CGGBP1: variants seen among roughly 807,000 people sequenced by gnomAD.
CGGBP1 encodes CGG triplet repeat-binding protein 1.
CGGBP1 carries 4 observed loss-of-function variants against 11.4 expected under a neutral mutation model. That is an observed-to-expected ratio of 0.35 (90% CI 0.17 to 0.80). CGGBP1 has a LOEUF of 0.80. Among genes scored for constraint, CGGBP1 ranks in the 30% least tolerant of loss-of-function variants. CGGBP1 has a pLI of 0.52. For missense variants in CGGBP1, 135 were observed against 202.1 expected (o/e 0.67, Z 2.01); for synonymous variants, 76 against 74.1 (o/e 1.03, Z -0.13).
intron 2 of CGGBP1, among the ~76,000 whole-genome samples, chr3:88,090,813 C>T (rs1244554454): frequency 1.3e-5 from 2 of 152,130 alleles, no homozygotes; most frequent in South Asian, 2.1e-4. Context: ...TAGGGATTGT[C>T]TTGGCCCATA....
chr3:88,136,493 C>T (rs1706791751), intron 2 of CGGBP1, among the ~76,000 whole-genome samples: 1 of 152,120 alleles, frequency 6.6e-6, no homozygotes, highest in Non-Finnish European at 1.5e-5. Flanking sequence ...GATGGCATAT[C>T]TAAAAAGGGT....
At chr3:88,067,199 G>A (rs867151827) in intron 2 of CGGBP1, among the ~76,000 whole-genome samples, 2 of 152,198 alleles carry the variant, frequency 1.3e-5, no homozygotes, top group Non-Finnish European at 2.9e-5. Flanking sequence ...TATAACTTTG[G>A]TAAGTGCTAT....
intron 2 of CGGBP1, among the ~76,000 whole-genome samples, chr3:88,082,165 T>C (rs1329133415): frequency 6.6e-6 from 1 of 151,826 alleles, no homozygotes; most frequent in East Asian, 1.9e-4. Context: ...TCTCGCTTTG[T>C]TGCCAGGCTG....
rs1703993781 is a variant in CGGBP1 at position 88,095,341 on chromosome 3, G to A, written c.-228-37118C>T. 1.9e-5 allele frequency: 5 copies of A among 265,388 alleles called. No individual in the cohort carries two copies. In the South Asian group the frequency reaches 2.0e-4, roughly 10 times the overall value. The allele number at this position is 265,388 out of a possible 1,614,324, so 16.4% of individuals were successfully genotyped here. A position where few individuals can be genotyped will look rare whatever the true frequency, so the allele number is the denominator to read the frequency against. ...ATATGTTTAGGATAGAAAGGGGTGG[G>A]GAGAAAGGAAGAGACAGGAATGTGA... is the stretch of plus-strand genomic sequence containing the variant. On this transcript the variant is annotated intron_variant, in intron 2 of 3. Transcript: ENST00000462901.
intron 2 of CGGBP1, among the ~76,000 whole-genome samples, chr3:88,077,433 C>T (rs941346952): frequency 1.3e-5 from 2 of 151,632 alleles, no homozygotes; most frequent in African/African-American, 4.9e-5. Flanking sequence ...GCCGGGTTCA[C>T]TCCACTCTCC....
chr3:88,059,519 T>C, upstream of CGGBP1: 1 of 1,461,772 alleles, frequency 6.8e-7, no homozygotes, highest in Non-Finnish European at 9.0e-7. Context: ...AGGCGTCCGT[T>C]GGCCGCCCCG....
intron 1 of CGGBP1, among the ~76,000 whole-genome samples, chr3:88,147,695 T>C (rs772669500): frequency 6.6e-6 from 1 of 152,248 alleles, no homozygotes; most frequent in Non-Finnish European, 1.5e-5. Context: ...GTTACTGTAT[T>C]GGACAGCAAA....
intron 2 of CGGBP1, among the ~76,000 whole-genome samples, chr3:88,119,039 A>G (rs1428133024): frequency 1.3e-5 from 2 of 149,752 alleles, no homozygotes; most frequent in East Asian, 2.0e-4. Flanking sequence ...TACTGGGTAT[A>G]TACCCAAAGG....
In CGGBP1 at chr3:88,123,172, G is replaced by A. The variant is rs748532178; in HGVS notation, c.-229+17798C>T. Among the ~76,000 whole-genome samples the A allele has an allele frequency of 6.4e-4, 97 of 152,020 alleles. 2 individuals carry two copies. Among genetic ancestry groups the A allele is most frequent in the Non-Finnish European group, 1.5e-4 (10 of 68,000 alleles). ...CAAAAAAGCCACTATTCTATTTAAG[G>A]AACGAGGAGCCAAAAAATACTTGTA... is the stretch of plus-strand genomic sequence containing the variant. On this transcript the variant is annotated intron_variant, in intron 2 of 3. Coordinates refer to the CGGBP1 transcript ENST00000462901.
chr3:88,126,144 A>G, intron 2 of CGGBP1: 1 of 1,507,340 alleles, frequency 6.6e-7, no homozygotes, highest in Non-Finnish European at 8.8e-7. Context: ...GAATGCCAGA[A>G]TCACCTCCGC....
At chr3:88,075,478 A>G (rs1423746725) in intron 2 of CGGBP1, among the ~76,000 whole-genome samples, 3 of 152,204 alleles carry the variant, frequency 2.0e-5, no homozygotes, top group East Asian at 3.8e-4. Context: ...ACAGGTACCT[A>G]AAGTGGAACT....
intron 2 of CGGBP1, chr3:88,139,601 T>A (rs1297951848): frequency 1.2e-6 from 2 of 1,613,674 alleles, no homozygotes; most frequent in Admixed American, 3.3e-5. Flanking sequence ...AGACACTTAC[T>A]GCTTCTAGTG....
chr3:88,071,101 TTAGAG>T (rs2107613910), intron 2 of CGGBP1, among the ~76,000 whole-genome samples: 1 of 152,334 alleles, frequency 6.6e-6, no homozygotes, highest in African/African-American at 2.4e-5. Context: ...GTTTATAAAC[TTAGAG>T]TAGATATTCA....
intron 2 of CGGBP1, among the ~76,000 whole-genome samples, chr3:88,107,213 G>A (rs1316267287): frequency 6.6e-6 from 1 of 152,128 alleles, no homozygotes; most frequent in Non-Finnish European, 1.5e-5. Flanking sequence ...CCAGTAAAAT[G>A]GCATTGGAAC....
At chr3:88,137,218 A>AG (rs1369147796) in intron 2 of CGGBP1, among the ~76,000 whole-genome samples, 2 of 149,976 alleles carry the variant, frequency 1.3e-5, no homozygotes, top group Admixed American at 6.6e-5. Flanking sequence ...AAAAAAAAAA[A>AG]GGATGTAGAT....
rs369369270 is a variant in CGGBP1, at chr3:88,141,666, G to T, written c.-337-588C>A. ...ACAGGTGCCTGATGAAAACGGTTCA[G>T]AAAGATCTGTCAATCAAGCAGTAGT... On this transcript the variant is annotated intron_variant, in intron 1 of 3. Coordinates refer to the CGGBP1 transcript ENST00000462901. 2.0e-6 allele frequency: 3 copies of T among 1,503,456 alleles called. No individual in the cohort carries two copies. The African/African-American group carries it at 4.1e-5, about 21-fold the overall frequency. 93.1% of individuals were successfully genotyped at this position (1,503,456 alleles called of 1,614,324 possible).
intron 2 of CGGBP1, among the ~76,000 whole-genome samples, chr3:88,072,755 A>C (rs1707588385): frequency 6.6e-6 from 1 of 152,140 alleles, no homozygotes; most frequent in African/African-American, 2.4e-5. Context: ...TCCCTCCACA[A>C]AAAAATGAAA....
At chr3:88,127,286 G>A (rs965535014) in intron 2 of CGGBP1, among the ~76,000 whole-genome samples, 2 of 152,016 alleles carry the variant, frequency 1.3e-5, no homozygotes, top group South Asian at 4.1e-4. Flanking sequence ...AAGGGGTTAG[G>A]GTGGGTTGTG....
intron 2 of CGGBP1, among the ~76,000 whole-genome samples, chr3:88,133,510 A>G (rs1237145299): frequency 6.6e-6 from 1 of 152,186 alleles, no homozygotes; most frequent in African/African-American, 2.4e-5. Context: ...TGGGGTATTC[A>G]TGAAGGCTTT....
Sources: allele counts gnomAD v4.1 joint callset (sites outside exome capture counted in the v4.1 genomes callset), GRCh38; gene constraint gnomAD v4.1.1; transcripts MANE v1.5; gene names NCBI Gene and HGNC (gene_info 2026-07-23, HGNC 2026-07-21).